The following OSCP1 variants were observed in gnomAD, a reference collection of about 807,000 sequenced individuals.
The protein encoded by OSCP1 is organic solute carrier partner 1, also known as protein OSCP1.
OSCP1 carries 35 observed loss-of-function variants against 45.1 expected under a neutral mutation model. That is an observed-to-expected ratio of 0.78 (90% CI 0.59 to 1.03). The LOEUF (loss-of-function observed/expected upper bound fraction) is 1.03. OSCP1 is among the 50% of genes least tolerant of loss of function. The pLI, the probability that OSCP1 is intolerant of heterozygous loss-of-function variation, is 0.00. For missense variants in OSCP1, 400 were observed against 470.7 expected, an observed-to-expected ratio of 0.85 and a Z score of 1.39; for synonymous variants, 179 against 180.1, an observed-to-expected ratio of 0.99 and a Z score of 0.05.
At position 36,418,258 on chromosome 1, in the gene OSCP1, A is replaced by T; in HGVS notation, c.1024-3T>A. On this transcript the variant is annotated splice_polypyrimidine_tract_variant and splice_region_variant and intron_variant, in intron 9 of 9. Coordinates refer to ENST00000235532, the MANE Select transcript of OSCP1 (RefSeq NM_145047.5). ...AGCTCCTCGCTCCGTTGCTGGTCCT[A>T]TGAGGGAAATGAGAGGTAAAAGGGC... The T allele has an allele frequency of 6.2e-7, 1 of 1,614,018 alleles. No homozygotes were observed. The highest frequency in any genetic ancestry group is 8.5e-7 in the Non-Finnish European group (1 of 1,179,938).
At chr1:36,443,836 T>C (rs1266136580) in intron 1 of OSCP1, among the ~76,000 whole-genome samples, 1 of 152,212 alleles carries the variant, frequency 6.6e-6, no homozygotes, top group Non-Finnish European at 1.5e-5. Flanking sequence ...TCCTCTTAAG[T>C]AAAAGATTCA....
chr1:36,420,653 G>C lies in OSCP1; in HGVS notation c.820-38C>G, dbSNP rs372593441. On this transcript the variant is annotated intron_variant, in intron 7 of 9. Coordinates refer to ENST00000235532, the MANE Select transcript of OSCP1 (RefSeq NM_145047.5). ...TTGCATGATTTTTAGCCACATGAAG[G>C]CAATCACATTTCCTGCTAAAACCTC... The C allele has an allele frequency of 2.1e-5, 33 of 1,606,758 alleles. No individual in the cohort carries two copies. In the African/African-American group the frequency reaches 3.9e-4, roughly 19 times the overall value.
intron 1 of OSCP1, among the ~76,000 whole-genome samples, chr1:36,445,463 A>G (rs1439706774): frequency 2.0e-5 from 3 of 152,252 alleles, no homozygotes; most frequent in African/African-American, 4.8e-5. Flanking sequence ...AAGTATACAC[A>G]TGGCTTCAAT....
chr1:36,449,834 T>TAAA, intron 1 of OSCP1, among the ~76,000 whole-genome samples: 1 of 19,434 alleles, frequency 5.1e-5, no homozygotes, highest in East Asian at 3.3e-3. Context: ...AGACCCTGTC[T>TAAA]CAAAAAAAAA....
rs770193249 is a variant in OSCP1, at chr1:36,420,619, C to A, written c.820-4G>T. On this transcript the variant is annotated splice_region_variant and splice_polypyrimidine_tract_variant and intron_variant, in intron 7 of 9. Coordinates refer to ENST00000235532, the MANE Select transcript of OSCP1 (RefSeq NM_145047.5). ...GAGGGTTTGGAGCAATGCTTTCCTG[C>A]AGAAACAGTTGCATGATTTTTAGCC... The A allele has an allele frequency of 3.1e-6, 5 of 1,612,432 alleles. No homozygotes were observed. In the Admixed American group the frequency reaches 6.7e-5, roughly 22 times the overall value.
Position 36,430,713 on chromosome 1 carries a change from G to A in OSCP1, c.516+1089C>T, listed in dbSNP as rs1648306145. The stretch of plus-strand genomic sequence containing the variant: ...TCTGTCGCCCAAGCTGGAGTGCAGT[G>A]GTGCGATCCCGGCTCACTGTAACCT... On this transcript the variant is annotated intron_variant, in intron 4 of 9. Transcript: ENST00000235532. Among the ~76,000 whole-genome samples, 3 of 152,210 alleles carry A rather than the reference G, an allele frequency of 2.0e-5. No individual in the cohort carries two copies. In the South Asian group the frequency reaches 6.2e-4, roughly 31 times the overall value.
In OSCP1 at chr1:36,422,878, A is replaced by T; in HGVS notation, c.639T>A (p.Gly213=). 6.2e-7 allele frequency: 1 copy of T among 1,605,382 alleles called. No homozygotes were observed. Among genetic ancestry groups the T allele is most frequent in the Non-Finnish European group, 8.5e-7 (1 of 1,175,462 alleles). ...PGLIRMFNNK[G]EEVKRIEFKH... ...TGAATTCTATCCTCTTCACTTCTTC[A>T]CCTTTGTTGTTGAACATTCTACAAT... Residue 213 remains glycine (G), a synonymous_variant, in exon 6 of 10, where the codon GGT becomes GGA. Transcript: ENST00000235532.
At chr1:36,421,185 C>T (rs1647597110) in intron 7 of OSCP1, among the ~76,000 whole-genome samples, 1 of 152,126 alleles carries the variant, frequency 6.6e-6, no homozygotes, top group Non-Finnish European at 1.5e-5. Flanking sequence ...AAGCCCTCTG[C>T]CTCCTGTCGA....
At position 36,446,776 on chromosome 1, in the gene OSCP1, GT is replaced by G. The variant is rs1280403167; in HGVS notation, c.112+3481del. ...TGGCATGTCTTGGAAAAATCACTTT[GT>G]GGCCACATGCCTCAGTTTCCTCTCC... On this transcript the variant is annotated intron_variant, in intron 1 of 9. Transcript: ENST00000235532. Among the ~76,000 whole-genome samples, 20 of 152,334 alleles carry G rather than the reference GT, an allele frequency of 1.3e-4. 1 individual carries two copies. The highest frequency in any genetic ancestry group is 3.4e-3 in the Middle Eastern group (1 of 294).
At chr1:36,440,779 C>T (rs549186420) in intron 1 of OSCP1, 1 of 152,270 alleles carries the variant, frequency 6.6e-6, no homozygotes, top group South Asian at 2.1e-4. Context: ...ACACATAAGT[C>T]CTCAAAAGAG....
rs763280071 is a variant in OSCP1 at position 36,422,166 on chromosome 1, A to G, written c.803T>C (p.Leu268Ser). Reference sequence around the variant, plus strand: ...GAAGCTCACCTGGGTCCATGAGGCTAAGTTCTTTGATGATCCAGACACATG... The same window carrying G: ...GAAGCTCACCTGGGTCCATGAGGCTGAGTTCTTTGATGATCCAGACACATG... Reference protein sequence around the residue: ...ETHVSGSSKNLASWTQESIAP... With the variant: ...ETHVSGSSKNSASWTQESIAP... The change falls in exon 7 of 10, where the codon TTA becomes TCA. Residue 268 changes from leucine to serine, a missense_variant. Transcript: ENST00000235532. 3 of 1,614,102 alleles carry G rather than the reference A, an allele frequency of 1.9e-6. 1 individual carries two copies. Among genetic ancestry groups the G allele is most frequent in the South Asian group, 2.2e-5 (2 of 91,088 alleles).
At chr1:36,425,733 G>GAAA (rs757643959) in intron 4 of OSCP1, among the ~76,000 whole-genome samples, 75 of 115,106 alleles carry the variant, frequency 6.5e-4, no homozygotes, top group African/African-American at 2.3e-3. Flanking sequence ...ACTCTATCTG[G>GAAA]AAAAAAAAAA....
intron 2 of OSCP1, among the ~76,000 whole-genome samples, chr1:36,436,038 C>A (rs896369470): frequency 1.3e-5 from 2 of 151,918 alleles, no homozygotes; most frequent in African/African-American, 4.8e-5. Context: ...TGAGTGCTGA[C>A]TCTGCAAGTC....
intron 4 of OSCP1, among the ~76,000 whole-genome samples, chr1:36,424,631 G>A (rs991627286): frequency 6.6e-6 from 1 of 152,134 alleles, no homozygotes; most frequent in Non-Finnish European, 1.5e-5. Context: ...CTGGGGCAGG[G>A]GGATCCAGCT....
chr1:36,418,942 A>AG (rs774760800), intron 9 of OSCP1, 49 bp downstream of exon 9: 1 of 1,432,914 alleles, frequency 7.0e-7, no homozygotes, highest in Admixed American at 1.9e-5. Context: ...AAAAAAAAAA[A>AG]GATGAGGAAG....
At chr1:36,419,190 TC>T in intron 8 of OSCP1, 136 bp from the exon 9 acceptor site, 1 of 765,812 alleles carries the variant, frequency 1.3e-6, no homozygotes, top group Non-Finnish European at 2.3e-6. Flanking sequence ...CTACCCCATC[TC>T]CCACCAATGT....
chr1:36,422,947 C>A, intron 5 of OSCP1, 51 bp from the exon 6 acceptor site: 1 of 1,467,588 alleles, frequency 6.8e-7, no homozygotes, highest in South Asian at 1.5e-5. Context: ...TTAGGTAGTC[C>A]TGGAGGCTTC....
At chr1:36,436,545 A>T (rs1429388790) in intron 2 of OSCP1, among the ~76,000 whole-genome samples, 1 of 152,062 alleles carries the variant, frequency 6.6e-6, no homozygotes, top group Non-Finnish European at 1.5e-5. Flanking sequence ...CTGGTCTTTT[A>T]AAATTTTTTT....
Position 36,447,756 on chromosome 1 carries a change from A to T in OSCP1, c.112+2502T>A. The T allele has an allele frequency of 3.5e-6, 1 of 283,286 alleles. No homozygotes were observed. Among genetic ancestry groups the T allele is most frequent in the Admixed American group, 4.2e-5 (1 of 23,534 alleles). The allele number at this position is 283,286 out of a possible 1,614,324, so 17.5% of individuals were successfully genotyped here. A position where few individuals can be genotyped will look rare whatever the true frequency, so the allele number is the denominator to read the frequency against. ...TAAGTGCTTGATTTTTCATTGTTTT[A>T]TTGTTGATTGCTGTCACTAGAATCA... On this transcript the variant is annotated intron_variant, in intron 1 of 9. Coordinates refer to ENST00000235532, the MANE Select transcript of OSCP1 (RefSeq NM_145047.5). This position sits in a 1 kb window ranked among gnomAD's most constrained non-coding sequence, Gnocchi z 4.1.
Sources: gnomAD v4.1 joint callset for allele counts (sites outside exome capture counted in the v4.1 genomes callset) on GRCh38, gnomAD v4.1.1 for gene constraint, Gnocchi (gnomAD v3.1) non-coding constraint, MANE v1.5 for transcripts, NCBI Gene and HGNC (gene_info 2026-07-23, HGNC 2026-07-21) for gene names.